GSDMA: variants seen among roughly 807,000 people sequenced by gnomAD.
GSDMA encodes the protein gasdermin-A.
GSDMA carries 55 observed loss-of-function variants against 54.3 expected under a neutral mutation model. The ratio of observed to expected loss-of-function variants is 1.01; its 90% CI spans 0.82 to 1.27. GSDMA has a LOEUF of 1.27. GSDMA is among the 50% of genes most tolerant of loss of function. The probability of loss-of-function intolerance (pLI) is 0.00; values close to 1 mark genes in which losing one functional copy is unlikely to be tolerated. For missense variants in GSDMA, 542 were observed against 542.6 expected (o/e 1.00, Z 0.01); for synonymous variants, 211 against 224.7 (o/e 0.94, Z 0.54).
chr17:39,973,014 C>T (rs1302393986), intron 7 of GSDMA, among the ~76,000 whole-genome samples: 3 of 152,066 alleles, frequency 2.0e-5, no homozygotes, highest in Admixed American at 6.6e-5. Flanking sequence ...TCTTGTTGCC[C>T]AGGCTGGAGT....
intron 1 of GSDMA, among the ~76,000 whole-genome samples, chr17:39,964,979 T>C (rs1336064972): frequency 1.3e-5 from 2 of 151,656 alleles, no homozygotes; most frequent in Non-Finnish European, 2.9e-5. Flanking sequence ...AATTTAAAAA[T>C]TAGCCAAGTG....
chr17:39,974,987 A>C lies in GSDMA; in HGVS notation c.994A>C (p.Ile332Leu), dbSNP rs1332358587. Reference protein sequence around the residue: ...VLLSKEAVGAILYFVGALTEL... With the variant: ...VLLSKEAVGALLYFVGALTEL... ...GCTATCAAAGGAGGCCGTGGGCGCC[A>C]TCCTCTATTTCGTTGGAGCCCTAAC... Residue 332 changes from isoleucine to leucine, a missense_variant, in exon 10 of 12, where the codon ATC (isoleucine) becomes CTC (leucine). Ile to Leu is a conservative substitution (Grantham distance 5, BLOSUM62 2). Transcript: ENST00000301659. The C allele has an allele frequency of 1.2e-6, 2 of 1,612,582 alleles. No homozygotes were observed. The highest frequency in any genetic ancestry group is 1.7e-6 in the Non-Finnish European group (2 of 1,178,956).
intron 7 of GSDMA, among the ~76,000 whole-genome samples, chr17:39,973,600 T>A (rs897720340): frequency 6.6e-5 from 10 of 150,652 alleles, no homozygotes; most frequent in Non-Finnish European, 1.3e-4. Context: ...TTAGTAGCTA[T>A]AACCTGCTAC....
intron 7 of GSDMA, 33 bp downstream of exon 7, chr17:39,972,646 C>G (rs757396955): frequency 1.3e-6 from 2 of 1,595,490 alleles, no homozygotes; most frequent in Admixed American, 3.4e-5. Flanking sequence ...CTGAAACTTT[C>G]TTGACTCCAA....
At chr17:39,972,100 T>TAC in intron 5 of GSDMA, 29 bp from the exon 6 acceptor site, 1 of 835,094 alleles carries the variant, frequency 1.2e-6, no homozygotes, top group East Asian at 2.5e-5. Context: ...CTAAGTGTCC[T>TAC]CCCACCCTCC....
chr17:39,966,857 T>C (rs145150454), intron 3 of GSDMA, among the ~76,000 whole-genome samples: 29 of 152,330 alleles, frequency 1.9e-4, no homozygotes, highest in Non-Finnish European at 4.4e-5. Flanking sequence ...TGCCCCCAGC[T>C]GAGACCTGAG....
In GSDMA at chr17:39,977,145, C is replaced by T; in HGVS notation, c.*87C>T. 6.8e-7 allele frequency: 1 copy of T among 1,471,948 alleles called. No homozygotes were observed. Among genetic ancestry groups the T allele is most frequent in the Non-Finnish European group, 9.3e-7 (1 of 1,076,800 alleles). The allele number at this position is 1,471,948 out of a possible 1,614,324, so 91.2% of individuals were successfully genotyped here. A position where few individuals can be genotyped will look rare whatever the true frequency, so the allele number is the denominator to read the frequency against. ...CTTACCACCTAAGGGCATTTCAGAG[C>T]CATCAGCTGAAGACATCTGAAATCT... On this transcript the variant is annotated 3_prime_UTR_variant, in exon 12 of 12. Coordinates refer to ENST00000301659, the MANE Select transcript of GSDMA (RefSeq NM_178171.5).
Position 39,977,686 on chromosome 17 carries a change from C to G in GSDMA, c.*628C>G, listed in dbSNP as rs1343229278. The G allele has an allele frequency of 6.6e-6, 1 of 152,262 alleles. No homozygotes were observed. The highest frequency in any genetic ancestry group is 2.1e-4 in the South Asian group (1 of 4,830). The allele number at this position is 152,262 out of a possible 1,614,324, so 9.4% of individuals were successfully genotyped here. On this transcript the variant is annotated 3_prime_UTR_variant, in exon 12 of 12. Coordinates refer to ENST00000301659, the MANE Select transcript of GSDMA (RefSeq NM_178171.5). ...GAAAAAAAGAAGATTAATTAATTTC[C>G]TATCCTAATCCCTCCTACTTATACT...
At chr17:39,966,068 C>T (rs1979646892) in intron 2 of GSDMA, among the ~76,000 whole-genome samples, 167 bp downstream of exon 2, 1 of 152,164 alleles carries the variant, frequency 6.6e-6, no homozygotes, top group Non-Finnish European at 1.5e-5. Flanking sequence ...GGGGATACCT[C>T]TCAGCTCAGC....
intron 8 of GSDMA, 119 bp downstream of exon 8, chr17:39,973,949 TC>T (rs1218286439): frequency 5.0e-6 from 5 of 993,746 alleles, no homozygotes; most frequent in Admixed American, 2.3e-5. Context: ...AAACAGACTT[TC>T]TTTCTCCACT....
intron 5 of GSDMA, 114 bp from the exon 6 acceptor site, chr17:39,972,015 C>G (rs1979972929): frequency 1.5e-6 from 1 of 653,848 alleles, no homozygotes. Context: ...TTAAATGAAG[C>G]ATTTGGGGTG....
rs191589841 is a variant in GSDMA, at chr17:39,973,895, G to A, written c.751+65G>A. 1.8e-3 allele frequency: 2,536 copies of A among 1,403,968 alleles called. 18 individuals carry two copies. The highest frequency in any genetic ancestry group is 0.015 in the Middle Eastern group (84 of 5,632). The allele number at this position is 1,403,968 out of a possible 1,614,324, so 87.0% of individuals were successfully genotyped here. On this transcript the variant is annotated intron_variant, in intron 8 of 11. Coordinates refer to ENST00000301659, the MANE Select transcript of GSDMA (RefSeq NM_178171.5). ...GAGGTAGCATTAGGGGCAGAGAGAG[G>A]AGAAGGCGAAGTCATTCTTTGTCAG... is the stretch of plus-strand genomic sequence containing the variant.
At chr17:39,965,587 G>C in intron 1 of GSDMA, 96 bp from the exon 2 acceptor site, 5 of 836,866 alleles carry the variant, frequency 6.0e-6, no homozygotes, top group Non-Finnish European at 9.8e-6. Context: ...CCTCAGAGCC[G>C]GGTAAACTCT....
chr17:39,972,011 G>A (rs1449729171), intron 5 of GSDMA, 118 bp from the exon 6 acceptor site: 1 of 643,048 alleles, frequency 1.6e-6, no homozygotes, highest in Non-Finnish European at 2.8e-6. Flanking sequence ...GGAATTAAAT[G>A]AAGCATTTGG....
chr17:39,972,540 C>G (rs368923647), intron 6 of GSDMA, 47 bp from the exon 7 acceptor site: 274 of 1,598,852 alleles, frequency 1.7e-4, no homozygotes, highest in Non-Finnish European at 2.2e-4. Flanking sequence ...GATGAAAAGG[C>G]AAAAATGGGT....
At chr17:39,971,448 CT>C (rs1979932159) in intron 4 of GSDMA, 75 bp from the exon 5 acceptor site, 3 of 1,128,706 alleles carry the variant, frequency 2.7e-6, no homozygotes, top group Non-Finnish European at 4.0e-6. Flanking sequence ...GACCCTGCAC[CT>C]CCCCCAACTC....
chr17:39,968,468 C>A (rs1300443703), intron 3 of GSDMA, among the ~76,000 whole-genome samples: 1 of 150,918 alleles, frequency 6.6e-6, no homozygotes, highest in African/African-American at 2.4e-5. Flanking sequence ...CTGCCTCAGC[C>A]TCCTGAGTAG....
intron 1 of GSDMA, among the ~76,000 whole-genome samples, chr17:39,963,468 G>A (rs1979503961): frequency 6.6e-6 from 1 of 152,180 alleles, no homozygotes; most frequent in Non-Finnish European, 1.5e-5. Context: ...CAGCTGGTGT[G>A]GCCTCTTCCA....
rs780100621 is a variant in GSDMA, at chr17:39,966,279, T to C, written c.234T>C (p.Asn78=). ...CTGCAGACCCAACAGACACTGGGAA[T>C]TTTGGCTTTAAGAATATGCTGGACA... ...SSPSDPTDTG[N]FGFKNMLDTR... is the part of the protein sequence containing the mutation. Residue 78 remains asparagine, a synonymous_variant, in exon 3 of 12, where the codon AAT becomes AAC. Transcript: ENST00000301659. 1 of 1,613,868 alleles carries C rather than the reference T, an allele frequency of 6.2e-7. No homozygotes were observed. Among genetic ancestry groups the C allele is most frequent in the South Asian group, 1.1e-5 (1 of 91,074 alleles).
Sources: allele counts gnomAD v4.1 joint callset (sites outside exome capture counted in the v4.1 genomes callset), GRCh38; gene constraint gnomAD v4.1.1; transcripts MANE v1.5; gene names NCBI Gene and HGNC (gene_info 2026-07-23, HGNC 2026-07-21).